Variants in CHRND observed in about 807,000 individuals in gnomAD.
CHRND encodes the protein acetylcholine receptor subunit delta.
A neutral mutation model predicts 57.8 loss-of-function variants in CHRND; 40 were observed. The ratio of observed to expected loss-of-function variants is 0.69; its 90% CI spans 0.54 to 0.90. The LOEUF (loss-of-function observed/expected upper bound fraction) is 0.90. Among genes scored for constraint, CHRND ranks in the 40% least tolerant of loss-of-function variants. The pLI, the probability that CHRND is intolerant of heterozygous loss-of-function variation, is 0.00. For missense variants in CHRND, 634 were observed against 673.9 expected (o/e 0.94, Z 0.66); for synonymous variants, 237 against 270.6 (o/e 0.88, Z 1.22).
chr2:232,533,880 A>AAAGACCTTGTCT, intron 9 of CHRND, 51 bp from the exon 10 acceptor site: 1 of 1,588,400 alleles, frequency 6.3e-7, no homozygotes, highest in Non-Finnish European at 8.6e-7. Context: ...CGTCTCAAAA[A>AAAGACCTTGTCT]CAAAGAACAA....
Position 232,535,947 on chromosome 2 carries a change from C to T in CHRND, c.*635C>T, listed in dbSNP as rs747270172. The T allele has an allele frequency of 9.3e-5, 42 of 454,022 alleles. No homozygotes were observed. Among genetic ancestry groups the T allele is most frequent in the Admixed American group, 4.2e-4 (18 of 42,558 alleles). The allele number at this position is 454,022 out of a possible 1,614,324, so 28.1% of individuals were successfully genotyped here. ...AGGTTGCACACACAATCCTAGAGGA[C>T]CAGAACGCAGCACCTCTCCCCAAAG... On this transcript the variant is annotated 3_prime_UTR_variant, in exon 12 of 12. Coordinates refer to ENST00000258385, the MANE Select transcript of CHRND (RefSeq NM_000751.3).
chr2:232,535,206 T>C lies in CHRND; in HGVS notation c.1448T>C (p.Val483Ala). The C allele has an allele frequency of 6.2e-7, 1 of 1,614,174 alleles. No individual in the cohort carries two copies. Among genetic ancestry groups the C allele is most frequent in the South Asian group, 1.1e-5 (1 of 91,080 alleles). Residue 483 changes from valine (V) to alanine (A), a missense_variant, in exon 12 of 12, where the codon GTG becomes GCG. Val to Ala is a moderately conservative substitution (Grantham distance 64). Coordinates refer to ENST00000258385, the MANE Select transcript of CHRND (RefSeq NM_000751.3). ...CLFVVTPVMV[V>A]GTAWIFLQGV... ...TTTGTGGTGACGCCTGTCATGGTGGTGGGCACAGCCTGGATCTTCCTGCAG... is the reference window on the plus strand; with the variant it reads ...TTTGTGGTGACGCCTGTCATGGTGGCGGGCACAGCCTGGATCTTCCTGCAG...
intron 7 of CHRND, 39 bp downstream of exon 7, chr2:232,530,178 A>G: frequency 1.3e-6 from 2 of 1,593,260 alleles, no homozygotes; most frequent in Non-Finnish European, 1.7e-6. Flanking sequence ...CCCCTCCCCA[A>G]GCCCACCTGA....
chr2:232,528,764 G>T (rs1691576841), intron 5 of CHRND, 98 bp from the exon 6 acceptor site: 4 of 1,584,948 alleles, frequency 2.5e-6, no homozygotes, highest in Non-Finnish European at 3.5e-6. Flanking sequence ...CTGGATTAGT[G>T]CTGCCCTCCC....
intron 11 of CHRND, among the ~76,000 whole-genome samples, 196 bp from the exon 12 acceptor site, chr2:232,534,934 A>G (rs763011008): frequency 1.4e-4 from 21 of 152,208 alleles, no homozygotes; most frequent in African/African-American, 2.2e-4. Flanking sequence ...CCTCCTCAAC[A>G]GAGTGATCAG....
Position 232,535,918 on chromosome 2 carries a change from C to T in CHRND, c.*606C>T, listed in dbSNP as rs1223248293. ...GACATCCACAAAGACTTGGGGTCAG[C>T]CTGAGGTTGCACACACAATCCTAGA... On this transcript the variant is annotated 3_prime_UTR_variant, in exon 12 of 12. Coordinates refer to ENST00000258385, the MANE Select transcript of CHRND (RefSeq NM_000751.3). The T allele has an allele frequency of 2.2e-6, 1 of 453,986 alleles. No homozygotes were observed. The highest frequency in any genetic ancestry group is 4.4e-6 in the Non-Finnish European group (1 of 226,800). 28.1% of individuals were successfully genotyped at this position (453,986 alleles called of 1,614,324 possible). A position where few individuals can be genotyped will look rare whatever the true frequency, so the allele number is the denominator to read the frequency against.
intron 1 of CHRND, 103 bp from the exon 2 acceptor site, chr2:232,526,426 C>A: frequency 6.3e-7 from 1 of 1,578,848 alleles, no homozygotes; most frequent in Non-Finnish European, 8.7e-7. Flanking sequence ...TGGGTTCCCC[C>A]CTGCTCATCC....
intron 1 of CHRND, 92 bp from the exon 2 acceptor site, chr2:232,526,437 C>A: frequency 6.3e-7 from 1 of 1,595,738 alleles, no homozygotes; most frequent in Non-Finnish European, 8.6e-7. Flanking sequence ...CTGCTCATCC[C>A]AACCTCATGG....
At chr2:232,527,115 A>G (rs1168412574) in intron 2 of CHRND, among the ~76,000 whole-genome samples, 1 of 151,994 alleles carries the variant, frequency 6.6e-6, no homozygotes. Flanking sequence ...CCTGGCCAAC[A>G]TAGTAAAACC....
At chr2:232,532,766 T>C (rs147962897) in intron 9 of CHRND, among the ~76,000 whole-genome samples, 40 of 152,330 alleles carry the variant, frequency 2.6e-4, no homozygotes, top group Middle Eastern at 3.4e-3. Flanking sequence ...GGGAGGGTAC[T>C]GAGTGGGGGC....
intron 10 of CHRND, 43 bp downstream of exon 10, chr2:232,534,178 G>A (rs771210546): frequency 4.4e-5 from 71 of 1,613,920 alleles, no homozygotes; most frequent in Non-Finnish European, 5.3e-5. Flanking sequence ...TCTGTGGGAG[G>A]TGGGTGGAGG....
intron 9 of CHRND, among the ~76,000 whole-genome samples, chr2:232,533,396 TTTAA>T (rs1489913380): frequency 2.6e-5 from 4 of 152,206 alleles, no homozygotes; most frequent in Admixed American, 6.5e-5. Context: ...GTTTTTGGTC[TTTAA>T]TTAATCATTT....
chr2:232,532,358 C>T (rs1691733663), intron 9 of CHRND, among the ~76,000 whole-genome samples: 1 of 151,418 alleles, frequency 6.6e-6, no homozygotes, highest in Non-Finnish European at 1.5e-5. Context: ...ATCCCAGCTA[C>T]TCGGGGGGCT....
chr2:232,528,846 C>A lies in CHRND; in HGVS notation c.510-16C>A, dbSNP rs1038117512. 6 of 1,606,540 alleles carry A rather than the reference C, an allele frequency of 3.7e-6. No individual in the cohort carries two copies. The highest frequency in any genetic ancestry group is 2.7e-5 in the African/African-American group (2 of 74,734). ...CCACTGGCCGAGTGTCACTCTCTGC[C>A]CATTGCCCTCCCCAGTTCCCTCAAG... On this transcript the variant is annotated splice_polypyrimidine_tract_variant and intron_variant, in intron 5 of 11. Coordinates refer to ENST00000258385, the MANE Select transcript of CHRND (RefSeq NM_000751.3).
At chr2:232,530,242 T>G in intron 7 of CHRND, 103 bp downstream of exon 7, 1 of 1,237,082 alleles carries the variant, frequency 8.1e-7, no homozygotes, top group Non-Finnish European at 1.2e-6. Context: ...CCACCTGGGG[T>G]CTCCATTCCT....
At chr2:232,526,732 A>G in intron 2 of CHRND, 58 bp downstream of exon 2, 1 of 1,577,796 alleles carries the variant, frequency 6.3e-7, no homozygotes, top group Non-Finnish European at 8.7e-7. Flanking sequence ...TTCCAGTACC[A>G]GGATAGCCAT....
In CHRND at chr2:232,528,358, G is replaced by C. The variant is rs760395222; in HGVS notation, c.340G>C (p.Val114Leu). 5.6e-6 allele frequency: 9 copies of C among 1,613,982 alleles called. No homozygotes were observed. Among genetic ancestry groups the C allele is most frequent in the Non-Finnish European group, 5.9e-6 (7 of 1,180,024 alleles). ...PPDMVWLPEIVLENNNDGSFQ... is the reference protein window; with the variant it reads ...PPDMVWLPEILLENNNDGSFQ... Reference sequence around the variant, plus strand: ...GGACATGGTGTGGCTCCCAGAGATTGTGCTGGAGAACAAGTTGAGCCAAGC... The same window carrying C: ...GGACATGGTGTGGCTCCCAGAGATTCTGCTGGAGAACAAGTTGAGCCAAGC... The change falls in exon 4 of 12, where the codon GTG becomes CTG. Residue 114 changes from valine (V) to leucine (L), a missense_variant. Physicochemically the swap from Val to Leu is conservative, Grantham distance 32 (BLOSUM62 1). Transcript: ENST00000258385.
chr2:232,527,257 G>T (rs1207407449), intron 2 of CHRND, 144 bp from the exon 3 acceptor site: 1 of 808,486 alleles, frequency 1.2e-6, no homozygotes, highest in East Asian at 2.4e-5. Context: ...AGTGAGCCAA[G>T]CTCGTGCCAC....
chr2:232,529,823 C>T, intron 6 of CHRND, 116 bp from the exon 7 acceptor site: 1 of 1,079,524 alleles, frequency 9.3e-7, no homozygotes, highest in East Asian at 2.4e-5. Flanking sequence ...ACCCCGTAGA[C>T]AGCCCATCTG....
Sources: allele counts gnomAD v4.1 joint callset (sites outside exome capture counted in the v4.1 genomes callset), GRCh38; gene constraint gnomAD v4.1.1; transcripts MANE v1.5; gene names NCBI Gene and HGNC (gene_info 2026-07-23, HGNC 2026-07-21).